The following CDH2 variants were observed in gnomAD, a reference collection of about 807,000 sequenced individuals.
CDH2 encodes cadherin 2.
Under a neutral mutation model 92.0 loss-of-function variants are expected in CDH2, and 17 were observed. The observed-to-expected ratio is 0.18, with a 90% CI of 0.13 to 0.28. The LOEUF (loss-of-function observed/expected upper bound fraction) is 0.28, where lower values mean the gene tolerates loss of function less well. CDH2 is among the 10% of genes least tolerant of loss of function. The pLI is 1.00. For synonymous variants in CDH2, 419 were observed against 415.9 expected (o/e 1.01, Z -0.09); for missense variants, 862 against 1,133.1 (o/e 0.76, Z 3.44).
intron 2 of CDH2, among the ~76,000 whole-genome samples, chr18:28,127,676 G>GA (rs146955953): frequency 1.3e-5 from 2 of 151,878 alleles, no homozygotes; most frequent in African/African-American, 2.4e-5. Flanking sequence ...AACTACATCA[G>GA]AAAAAAACAG....
At chr18:28,153,631 G>T (rs1400799957) in intron 1 of CDH2, among the ~76,000 whole-genome samples, 1 of 152,178 alleles carries the variant, frequency 6.6e-6, no homozygotes, top group Non-Finnish European at 1.5e-5. Context: ...AGACTGCCTG[G>T]CTTTAAATCC....
At chr18:27,979,966 A>C (rs2143938433) in intron 14 of CDH2, among the ~76,000 whole-genome samples, 1 of 152,358 alleles carries the variant, frequency 6.6e-6, no homozygotes, top group South Asian at 2.1e-4. Context: ...TGCCAAGAAC[A>C]AACCAGCTAA....
intron 2 of CDH2, among the ~76,000 whole-genome samples, chr18:28,100,678 T>C (rs1299209816): frequency 6.6e-6 from 1 of 151,776 alleles, no homozygotes. Flanking sequence ...TCAGTCTAGC[T>C]TCGCAGATTT....
At chr18:28,121,177 G>A (rs1394863215) in intron 2 of CDH2, among the ~76,000 whole-genome samples, 1 of 152,044 alleles carries the variant, frequency 6.6e-6, no homozygotes, top group Non-Finnish European at 1.5e-5. Flanking sequence ...CAGGGGTTTA[G>A]GGTCAATAGA....
intron 6 of CDH2, among the ~76,000 whole-genome samples, chr18:27,934,412 A>G (rs1265744503): frequency 6.6e-6 from 1 of 152,108 alleles, no homozygotes; most frequent in African/African-American, 2.4e-5. Flanking sequence ...CAAGGAATAG[A>G]TTTCTTTCTC....
intron 14 of CDH2, among the ~76,000 whole-genome samples, chr18:27,980,268 G>A (rs764243256): frequency 6.6e-6 from 1 of 152,176 alleles, no homozygotes; most frequent in African/African-American, 2.4e-5. Flanking sequence ...CCTTTACCTA[G>A]TGTATGAGGG....
chr18:28,087,778 AGAAT>A (rs2014961205), intron 2 of CDH2, among the ~76,000 whole-genome samples: 2 of 151,478 alleles, frequency 1.3e-5, no homozygotes, highest in Admixed American at 1.3e-4. Context: ...AAACAAAAAA[AGAAT>A]GAATGAAAAT....
At chr18:28,024,414 A>C (rs2013494833) in intron 2 of CDH2, among the ~76,000 whole-genome samples, 1 of 150,792 alleles carries the variant, frequency 6.6e-6, no homozygotes. Context: ...AAATCTAGAA[A>C]ATCTATTTGT....
intron 2 of CDH2, among the ~76,000 whole-genome samples, chr18:28,034,457 T>A (rs572072585): frequency 2.0e-5 from 3 of 152,210 alleles, no homozygotes; most frequent in African/African-American, 7.2e-5. Flanking sequence ...TTTAAACAGT[T>A]ATATATCCCA....
intron 2 of CDH2, among the ~76,000 whole-genome samples, chr18:28,061,687 A>G (rs2014404872): frequency 6.6e-6 from 1 of 152,178 alleles, no homozygotes; most frequent in African/African-American, 2.4e-5. Flanking sequence ...CATACTCAAA[A>G]TTGGATAATG....
At chr18:28,126,754 G>C (rs2015684130) in intron 2 of CDH2, among the ~76,000 whole-genome samples, 1 of 152,172 alleles carries the variant, frequency 6.6e-6, no homozygotes, top group African/African-American at 2.4e-5. Context: ...ACAGAAGATA[G>C]AGATGTGACT....
At chr18:28,003,878 T>A (rs914903536) in intron 6 of CDH2, among the ~76,000 whole-genome samples, 2 of 152,124 alleles carry the variant, frequency 1.3e-5, no homozygotes, top group African/African-American at 4.8e-5. Context: ...AGAAGTAGAG[T>A]GAGAAGTAGT....
chr18:28,094,752 C>A (rs1405071591), intron 2 of CDH2, among the ~76,000 whole-genome samples: 3 of 145,550 alleles, frequency 2.1e-5, no homozygotes, highest in East Asian at 2.0e-4. Context: ...CGAGATCGCA[C>A]CACTGCACTC....
chr18:27,962,526 C>T (rs2011434416), intron 15 of CDH2, among the ~76,000 whole-genome samples: 1 of 152,170 alleles, frequency 6.6e-6, no homozygotes, highest in South Asian at 2.1e-4. Context: ...AGATGCATTC[C>T]ACTTTGTAAT....
intron 2 of CDH2, among the ~76,000 whole-genome samples, chr18:28,025,491 C>G (rs566445459): frequency 2.6e-5 from 4 of 151,308 alleles, no homozygotes; most frequent in African/African-American, 9.7e-5. Flanking sequence ...GAACTCCAAC[C>G]TGGGTGACAG....
At chr18:28,016,881 G>C (rs1398902889) in intron 2 of CDH2, among the ~76,000 whole-genome samples, 1 of 152,080 alleles carries the variant, frequency 6.6e-6, no homozygotes, top group African/African-American at 2.4e-5. Flanking sequence ...AGATGATCAT[G>C]TTATTTTTTG....
At chr18:28,142,814 A>C (rs1414336611) in intron 2 of CDH2, among the ~76,000 whole-genome samples, 1 of 152,050 alleles carries the variant, frequency 6.6e-6, no homozygotes, top group Non-Finnish European at 1.5e-5. Flanking sequence ...AGATGTATCA[A>C]AATAAAAATA....
At chr18:28,002,217 G>C (rs1177135336) in intron 7 of CDH2, among the ~76,000 whole-genome samples, 2 of 152,296 alleles carry the variant, frequency 1.3e-5, no homozygotes, top group East Asian at 3.9e-4. Flanking sequence ...TCAAGATAAA[G>C]GTGCAAGGCA....
At chr18:28,086,384 A>G (rs1283123835) in intron 2 of CDH2, among the ~76,000 whole-genome samples, 2 of 152,090 alleles carry the variant, frequency 1.3e-5, no homozygotes, top group Non-Finnish European at 2.9e-5. Context: ...AAACTTTGCT[A>G]ATTTCCTTTA....
Sources: gnomAD v4.1 joint callset for allele counts (sites outside exome capture counted in the v4.1 genomes callset) on GRCh38, gnomAD v4.1.1 for gene constraint, MANE v1.5 for transcripts, NCBI Gene and HGNC (gene_info 2026-07-23, HGNC 2026-07-21) for gene names.